The following ECM1 variants were observed in gnomAD, a reference collection of about 807,000 sequenced individuals.
ECM1 encodes the protein extracellular matrix protein 1.
Under a neutral mutation model 57.9 loss-of-function variants are expected in ECM1, and 54 were observed. That is an observed-to-expected ratio of 0.93 (90% CI 0.75 to 1.17). The LOEUF (loss-of-function observed/expected upper bound fraction) is 1.17. Ranked by LOEUF, ECM1 falls within the 50% of genes most tolerant of loss-of-function variation. The probability of loss-of-function intolerance (pLI) is 0.00; values close to 1 mark genes in which losing one functional copy is unlikely to be tolerated. For missense variants in ECM1, 649 were observed against 688.1 expected (o/e 0.94, Z 0.64); for synonymous variants, 237 against 259.1 (o/e 0.91, Z 0.82).
rs1290305671 is a variant in ECM1 at position 150,513,719 on chromosome 1, G to T, written c.*252G>T. On this transcript the variant is annotated 3_prime_UTR_variant, in exon 10 of 10. Coordinates refer to ENST00000369047, the MANE Select transcript of ECM1 (RefSeq NM_004425.4). ...CAGTGCCTGGCCCCTGAGGCCCACG[G>T]CCCTGCCCCCTTCACTGAGCAGATG... 8.8e-6 allele frequency: 4 copies of T among 454,754 alleles called. No individual in the cohort carries two copies. The highest frequency in any genetic ancestry group is 1.2e-5 in the Non-Finnish European group (3 of 247,614). 28.2% of individuals were successfully genotyped at this position (454,754 alleles called of 1,614,324 possible). A position where few individuals can be genotyped will look rare whatever the true frequency, so the allele number is the denominator to read the frequency against.
chr1:150,510,737 A>C, intron 5 of ECM1, 139 bp from the exon 6 acceptor site: 1 of 900,858 alleles, frequency 1.1e-6, no homozygotes, highest in Non-Finnish European at 1.8e-6. Context: ...AGGAAGAGCC[A>C]CAAATTGTTC....
At position 150,512,840 on chromosome 1, in the gene ECM1, G is replaced by A; in HGVS notation, c.1392+28G>A. 1.9e-6 allele frequency: 3 copies of A among 1,607,964 alleles called. No homozygotes were observed. In the African/African-American group the frequency reaches 4.0e-5, roughly 21 times the overall value. ...GAGTGTGTGGAGTCTAGTCTCCAGA[G>A]GAATGCAGGGGAGGGGAGGGAAAGA... is the stretch of plus-strand genomic sequence containing the variant. On this transcript the variant is annotated intron_variant, in intron 9 of 9. Coordinates refer to ENST00000369047, the MANE Select transcript of ECM1 (RefSeq NM_004425.4).
At position 150,510,849 on chromosome 1, in the gene ECM1, C is replaced by T. The variant is rs777210669; in HGVS notation, c.386-27C>T. On this transcript the variant is annotated intron_variant, in intron 5 of 9. Transcript: ENST00000369047. Reference sequence around the variant, plus strand: ...CTTTGTGGGTTCCTTCACATGTCCCCGCTTCCCACTGTTTTCCCCATTCCA... The same window carrying T: ...CTTTGTGGGTTCCTTCACATGTCCCTGCTTCCCACTGTTTTCCCCATTCCA... 23 of 1,612,142 alleles carry T rather than the reference C, an allele frequency of 1.4e-5. No individual in the cohort carries two copies. The Middle Eastern group carries it at 9.9e-4, about 69-fold the overall frequency.
intron 9 of ECM1, 124 bp downstream of exon 9, chr1:150,512,936 A>AG (rs761362373): frequency 2.1e-5 from 24 of 1,140,702 alleles, no homozygotes; most frequent in Non-Finnish European, 2.9e-5. Flanking sequence ...CTAGTGGGGG[A>AG]GGTGTTTTTT....
Position 150,511,797 on chromosome 1 carries a change from G to T in ECM1, c.1049G>T (p.Arg350Leu). The change falls in exon 7 of 10, where the codon CGC (arginine) becomes CTC (leucine). Residue 350 changes from arginine (R) to leucine (L), a missense_variant. Physicochemically the swap from Arg to Leu is moderately radical, Grantham distance 102 (BLOSUM62 -2). Transcript: ENST00000369047. ...QLEREFQRCC[R>L]QGNNHTCTWK... is the part of the protein sequence containing the mutation. The stretch of plus-strand genomic sequence containing the variant: ...GAGAGGGAGTTCCAGCGCTGCTGCC[G>T]CCAGGGGAACAATCACACCTGTACA... The T allele has an allele frequency of 6.2e-7, 1 of 1,612,536 alleles. No homozygotes were observed. Among genetic ancestry groups the T allele is most frequent in the Non-Finnish European group, 8.5e-7 (1 of 1,178,940 alleles).
rs1337755791 is a variant in ECM1, at chr1:150,513,247, T to G, written c.1403T>G (p.Phe468Cys). ...TTTCTCATTCATCAGAAATTAACCT[T>G]CATCAATGATCTGTGTGGTCCCCGA... ...ACCAEEEKLTFINDLCGPRRN... is the reference protein window; with the variant it reads ...ACCAEEEKLTCINDLCGPRRN... Residue 468 changes from phenylalanine (F) to cysteine (C), a missense_variant, in exon 10 of 10, where the codon TTC becomes TGC. By Grantham distance (205) the Phe-to-Cys change is radical (BLOSUM62 -2). Transcript: ENST00000369047. 7 of 1,614,080 alleles carry G rather than the reference T, an allele frequency of 4.3e-6. No individual in the cohort carries two copies. In the East Asian group the frequency reaches 1.6e-4, roughly 36 times the overall value.
At chr1:150,512,923 T>A (rs1007119120) in intron 9 of ECM1, 111 bp downstream of exon 9, 2 of 1,233,964 alleles carry the variant, frequency 1.6e-6, no homozygotes, top group East Asian at 2.3e-5. Context: ...TTGGTTATAA[T>A]GACTAGTGGG....
At chr1:150,509,881 A>G in intron 3 of ECM1, 41 bp from the exon 4 acceptor site, 1 of 1,613,996 alleles carries the variant, frequency 6.2e-7, no homozygotes, top group Non-Finnish European at 8.5e-7. Context: ...AGCCCTGGCT[A>G]GGAGAAAGGG....
At chr1:150,513,021 G>A (rs1382455148) in intron 9 of ECM1, among the ~76,000 whole-genome samples, 1 of 152,290 alleles carries the variant, frequency 6.6e-6, no homozygotes, top group African/African-American at 2.4e-5. Context: ...CCTTCTCCGG[G>A]CCACAAGCTT....
At position 150,513,572 on chromosome 1, in the gene ECM1, T is replaced by C. The variant is rs1670502609; in HGVS notation, c.*105T>C. 9.0e-7 allele frequency: 1 copy of C among 1,112,538 alleles called. No homozygotes were observed. Among genetic ancestry groups the C allele is most frequent in the South Asian group, 1.6e-5 (1 of 64,476 alleles). 68.9% of individuals were successfully genotyped at this position (1,112,538 alleles called of 1,614,324 possible). ...CCTCTTGGATTTGGTGTCCTCATTG[T>C]CTATCTAATGTCTCACCCGCAGTGT... On this transcript the variant is annotated 3_prime_UTR_variant, in exon 10 of 10. Coordinates refer to ENST00000369047, the MANE Select transcript of ECM1 (RefSeq NM_004425.4).
At chr1:150,510,796 T>G in intron 5 of ECM1, 80 bp from the exon 6 acceptor site, 1 of 1,450,484 alleles carries the variant, frequency 6.9e-7, no homozygotes, top group Non-Finnish European at 9.7e-7. Context: ...CCACCCCAGA[T>G]TCTTTCAATC....
chr1:150,512,707 C>A lies in ECM1; in HGVS notation c.1305-18C>A. 1.2e-6 allele frequency: 2 copies of A among 1,613,914 alleles called. No individual in the cohort carries two copies. Among genetic ancestry groups the A allele is most frequent in the Non-Finnish European group, 1.7e-6 (2 of 1,179,836 alleles). Reference sequence around the variant, plus strand: ...ATGCCCAAAGACCCTAACCCCTGCCCCTTTCACACCAACATAGTAAACATA... The same window carrying A: ...ATGCCCAAAGACCCTAACCCCTGCCACTTTCACACCAACATAGTAAACATA... On this transcript the variant is annotated intron_variant, in intron 8 of 9. Transcript: ENST00000369047.
At chr1:150,510,340 AAATT>A in intron 5 of ECM1, 158 bp downstream of exon 5, 1 of 715,978 alleles carries the variant, frequency 1.4e-6, no homozygotes, top group East Asian at 2.7e-5. Context: ...TTCATCTGTA[AAATT>A]GAGGATATAC....
chr1:150,511,821 C>T lies in ECM1; in HGVS notation c.1073C>T (p.Thr358Ile), dbSNP rs752714963. 2.5e-6 allele frequency: 4 copies of T among 1,605,676 alleles called. No homozygotes were observed. Among genetic ancestry groups the T allele is most frequent in the Non-Finnish European group, 3.4e-6 (4 of 1,174,736 alleles). Reference sequence around the variant, plus strand: ...CGCCAGGGGAACAATCACACCTGTACATGGAAGGCCGTAAGTGGGCGTCCC... The same window carrying T: ...CGCCAGGGGAACAATCACACCTGTATATGGAAGGCCGTAAGTGGGCGTCCC... ...CCRQGNNHTC[T>I]WKAWEDTLDK... Residue 358 changes from threonine to isoleucine, a missense_variant, in exon 7 of 10, where the codon ACA becomes ATA. Physicochemically the swap from Thr to Ile is moderately conservative, Grantham distance 89 (BLOSUM62 -1). Coordinates refer to ENST00000369047, the MANE Select transcript of ECM1 (RefSeq NM_004425.4).
Position 150,511,471 on chromosome 1 carries a change from G to T in ECM1, c.723G>T (p.Met241Ile). The T allele has an allele frequency of 1.2e-6, 2 of 1,614,128 alleles. No individual in the cohort carries two copies. Among genetic ancestry groups the T allele is most frequent in the South Asian group, 2.2e-5 (2 of 91,072 alleles). Reference sequence around the variant, plus strand: ...TCTTGCTCTAGTGGGAGGAAGCAATGAGCCGATTCTGTGAGGCCGAGTTCT... The same window carrying T: ...TCTTGCTCTAGTGGGAGGAAGCAATTAGCCGATTCTGTGAGGCCGAGTTCT... ...ECAKLVWEEA[M>I]SRFCEAEFSV... Residue 241 changes from methionine (M) to isoleucine (I), a missense_variant, in exon 7 of 10, where the codon ATG becomes ATT. Met to Ile is a conservative substitution (Grantham distance 10, BLOSUM62 1). Coordinates refer to ENST00000369047, the MANE Select transcript of ECM1 (RefSeq NM_004425.4).
At chr1:150,512,620 C>A in intron 8 of ECM1, 48 bp downstream of exon 8, 1 of 1,612,874 alleles carries the variant, frequency 6.2e-7, no homozygotes, top group South Asian at 1.1e-5. Context: ...CGAAAACTTC[C>A]TTTTGGGACA....
intron 6 of ECM1, 38 bp from the exon 7 acceptor site, chr1:150,511,419 A>G: frequency 6.2e-7 from 1 of 1,613,828 alleles, no homozygotes; most frequent in Non-Finnish European, 8.5e-7. Flanking sequence ...GGAAGGCAGG[A>G]ATGTGGAAAG....
chr1:150,512,910 C>T, intron 9 of ECM1, 98 bp downstream of exon 9: 2 of 1,362,116 alleles, frequency 1.5e-6, no homozygotes, highest in Non-Finnish European at 2.1e-6. Context: ...CTCAAACCAG[C>T]CTTTGGTTAT....
chr1:150,513,549 T>A lies in ECM1; in HGVS notation c.*82T>A. On this transcript the variant is annotated 3_prime_UTR_variant, in exon 10 of 10. Transcript: ENST00000369047. ...CTGAACACTCATTACACTAAACACCTCTTGGATTTGGTGTCCTCATTGTCT... is the reference window on the plus strand; with the variant it reads ...CTGAACACTCATTACACTAAACACCACTTGGATTTGGTGTCCTCATTGTCT... The A allele has an allele frequency of 8.0e-7, 1 of 1,256,818 alleles. No individual in the cohort carries two copies. Among genetic ancestry groups the A allele is most frequent in the Non-Finnish European group, 1.1e-6 (1 of 914,014 alleles). 77.9% of individuals were successfully genotyped at this position (1,256,818 alleles called of 1,614,324 possible). A position where few individuals can be genotyped will look rare whatever the true frequency, so the allele number is the denominator to read the frequency against.
Sources: allele counts gnomAD v4.1 joint callset (sites outside exome capture counted in the v4.1 genomes callset), GRCh38; gene constraint gnomAD v4.1.1; transcripts MANE v1.5; gene names NCBI Gene and HGNC (gene_info 2026-07-23, HGNC 2026-07-21).